SEMA5A: variants seen among roughly 807,000 people sequenced by gnomAD.
SEMA5A encodes the protein semaphorin 5A.
SEMA5A carries 55 observed loss-of-function variants against 135.5 expected under a neutral mutation model. The ratio of observed to expected loss-of-function variants is 0.41; its 90% CI spans 0.33 to 0.51. The LOEUF (loss-of-function observed/expected upper bound fraction) is 0.51. Ranked by LOEUF, SEMA5A falls within the 20% of genes least tolerant of loss-of-function variation. The pLI is 0.37. For missense variants in SEMA5A, 1,290 were observed against 1,419.9 expected (o/e 0.91, Z 1.47); for synonymous variants, 580 against 546.5 (o/e 1.06, Z -0.85).
At chr5:9,320,087 G>A (rs956083776) in intron 4 of SEMA5A, among the ~76,000 whole-genome samples, 11 of 152,270 alleles carry the variant, frequency 7.2e-5, no homozygotes, top group African/African-American at 2.6e-4. Flanking sequence ...TGGGCATTCA[G>A]GTTTCACACA....
intron 5 of SEMA5A, among the ~76,000 whole-genome samples, chr5:9,241,606 T>A (rs1317812633): frequency 1.3e-5 from 2 of 151,232 alleles, no homozygotes; most frequent in African/African-American, 4.9e-5. Context: ...GGAAAACCCA[T>A]TTTATATCTG....
At chr5:9,136,371 G>T in intron 13 of SEMA5A, 133 bp downstream of exon 13, 2 of 681,130 alleles carry the variant, frequency 2.9e-6, no homozygotes, top group Admixed American at 2.3e-5. Context: ...ATCTGAGAGA[G>T]CACAGACTGG....
chr5:9,141,490 T>C (rs1742062794), intron 12 of SEMA5A, among the ~76,000 whole-genome samples: 1 of 152,222 alleles, frequency 6.6e-6, no homozygotes, highest in South Asian at 2.1e-4. Flanking sequence ...TATTCTCATT[T>C]TACATATTAC....
At chr5:9,394,004 T>G (rs1164137245) in intron 2 of SEMA5A, among the ~76,000 whole-genome samples, 1 of 152,132 alleles carries the variant, frequency 6.6e-6, no homozygotes. Context: ...AAGAATAATA[T>G]AGTAAATCAA....
At chr5:9,425,629 T>C (rs1230811162) in intron 2 of SEMA5A, among the ~76,000 whole-genome samples, 1 of 152,194 alleles carries the variant, frequency 6.6e-6, no homozygotes, top group Non-Finnish European at 1.5e-5. Context: ...CAACCACCAA[T>C]CATGTATTTT....
At chr5:9,495,627 T>A (rs939520686) in intron 1 of SEMA5A, among the ~76,000 whole-genome samples, 1 of 152,112 alleles carries the variant, frequency 6.6e-6, no homozygotes, top group Non-Finnish European at 1.5e-5. Flanking sequence ...AAGACTATAG[T>A]GAGACAAGCG....
chr5:9,513,091 G>A (rs1451798237), intron 1 of SEMA5A, among the ~76,000 whole-genome samples: 1 of 145,466 alleles, frequency 6.9e-6, no homozygotes, highest in Non-Finnish European at 1.5e-5. Context: ...ATATATGCAA[G>A]CTGAGGACTA....
intron 1 of SEMA5A, among the ~76,000 whole-genome samples, chr5:9,510,883 T>C (rs972255410): frequency 1.2e-4 from 18 of 152,354 alleles, no homozygotes; most frequent in African/African-American, 3.8e-4. Flanking sequence ...GAGCATATTT[T>C]TGGTGACAAC....
chr5:9,083,035 G>C (rs1264760597), intron 16 of SEMA5A, among the ~76,000 whole-genome samples: 1 of 152,170 alleles, frequency 6.6e-6, no homozygotes, highest in East Asian at 1.9e-4. Context: ...CTGTAAATAA[G>C]TAGTTAAGAT....
At chr5:9,539,973 C>G (rs956674770) in intron 1 of SEMA5A, among the ~76,000 whole-genome samples, 2 of 152,156 alleles carry the variant, frequency 1.3e-5, no homozygotes, top group Non-Finnish European at 2.9e-5. Context: ...AGTTTGGAGG[C>G]ATTTGGAACA....
In SEMA5A at chr5:9,467,356, C is replaced by T. The variant is rs561876085; in HGVS notation, c.-174-29504G>A. On this transcript the variant is annotated intron_variant, in intron 1 of 22. Transcript: ENST00000382496. Reference sequence around the variant, plus strand: ...CTTGAACTGTTGACCTCATGATCCACCCGCCTCAGCCTCCCAAAGTGCTGG... The same window carrying T: ...CTTGAACTGTTGACCTCATGATCCATCCGCCTCAGCCTCCCAAAGTGCTGG... Among the ~76,000 whole-genome samples, 95 of 152,258 alleles carry T rather than the reference C, an allele frequency of 6.2e-4. 1 individual carries two copies. The highest frequency in any genetic ancestry group is 2.2e-3 in the African/African-American group (93 of 41,540).
rs200875008 is a variant in SEMA5A at position 9,322,772 on chromosome 5, C to T, written c.225-4355G>A. 5.0e-4 allele frequency among the ~76,000 whole-genome samples: 76 copies of T among 152,230 alleles called. 1 individual carries two copies. In the South Asian group the frequency reaches 0.011, roughly 23 times the overall value. ...TCTTGGTGTCCTTTGTCCCATTATG[C>T]CTCAAGGCCCCACCTATTAGTTATT... On this transcript the variant is annotated intron_variant, in intron 4 of 22. Coordinates refer to ENST00000382496, the MANE Select transcript of SEMA5A (RefSeq NM_003966.3).
chr5:9,113,340 C>A (rs551152691), intron 15 of SEMA5A, among the ~76,000 whole-genome samples: 1 of 152,252 alleles, frequency 6.6e-6, no homozygotes, highest in South Asian at 2.1e-4. Flanking sequence ...TAAAGAAAAT[C>A]TAAATCACCT....
At chr5:9,416,011 T>G (rs985026507) in intron 2 of SEMA5A, among the ~76,000 whole-genome samples, 1 of 152,210 alleles carries the variant, frequency 6.6e-6, no homozygotes, top group Non-Finnish European at 1.5e-5. Flanking sequence ...CTCAATAAAC[T>G]CTGTGTTTCA....
chr5:9,313,189 A>G (rs1489670506), intron 5 of SEMA5A, among the ~76,000 whole-genome samples: 2 of 152,188 alleles, frequency 1.3e-5, no homozygotes, highest in African/African-American at 4.8e-5. Flanking sequence ...TTGCTAAACC[A>G]ATGTCAAAGC....
intron 15 of SEMA5A, 90 bp from the exon 16 acceptor site, chr5:9,108,377 G>A: frequency 4.8e-6 from 7 of 1,446,170 alleles, no homozygotes; most frequent in East Asian, 2.3e-5. Context: ...ACCAGATGTT[G>A]AACACATGGG....
At chr5:9,505,812 T>C (rs928775093) in intron 1 of SEMA5A, among the ~76,000 whole-genome samples, 10 of 152,232 alleles carry the variant, frequency 6.6e-5, no homozygotes, top group Non-Finnish European at 1.5e-4. Context: ...ACCATGACTT[T>C]TCTTTGTTGT....
At chr5:9,180,436 C>T (rs777146386) in intron 11 of SEMA5A, among the ~76,000 whole-genome samples, 7 of 151,968 alleles carry the variant, frequency 4.6e-5, no homozygotes, top group South Asian at 4.1e-4. Flanking sequence ...AAGAAGCACA[C>T]GTAATGCAAG....
chr5:9,379,688 C>G (rs1009599004), intron 3 of SEMA5A, 135 bp downstream of exon 3: 6 of 1,113,972 alleles, frequency 5.4e-6, no homozygotes, highest in African/African-American at 4.7e-5. Context: ...GTAGTTTTAC[C>G]TTTATTTTAA....
Sources: allele counts gnomAD v4.1 joint callset (sites outside exome capture counted in the v4.1 genomes callset), GRCh38; gene constraint gnomAD v4.1.1; transcripts MANE v1.5; gene names NCBI Gene and HGNC (gene_info 2026-07-23, HGNC 2026-07-21).